Variants in KLF12 observed in about 807,000 individuals in gnomAD.
KLF12 encodes the protein Krueppel-like factor 12.
In KLF12, 9 loss-of-function variants were observed where a neutral mutation model predicts 37.8. The observed-to-expected ratio is 0.24, with a 90% CI of 0.14 to 0.42. The LOEUF is 0.42. Among genes scored for constraint, KLF12 ranks in the 10% least tolerant of loss-of-function variants. KLF12 has a pLI of 1.00. For missense variants in KLF12, 411 were observed against 516.0 expected, an observed-to-expected ratio of 0.80 and a Z score of 1.97; for synonymous variants, 208 against 202.1, an observed-to-expected ratio of 1.03 and a Z score of -0.25.
At chr13:74,154,906 A>T in the KLF12 span, among the ~76,000 whole-genome samples, 1 of 152,194 alleles carries the variant, frequency 6.6e-6, no homozygotes, top group African/African-American at 2.4e-5. Context: ...AAACTCTTCA[A>T]ATATATTGCC....
chr13:73,902,179 G>A (rs1888072261), intron 3 of KLF12, among the ~76,000 whole-genome samples: 1 of 152,064 alleles, frequency 6.6e-6, no homozygotes, highest in Non-Finnish European at 1.5e-5. Flanking sequence ...AAATACATAC[G>A]GTGTGTCAGA....
At chr13:74,230,908 C>T in the KLF12 span, among the ~76,000 whole-genome samples, 12 of 152,148 alleles carry the variant, frequency 7.9e-5, no homozygotes, top group Non-Finnish European at 1.5e-4. Context: ...TTTCATTAAA[C>T]GTTGTCTGTG....
the KLF12 span, among the ~76,000 whole-genome samples, chr13:74,238,684 C>G: frequency 6.7e-5 from 10 of 149,422 alleles, no homozygotes; most frequent in East Asian, 3.9e-4. Flanking sequence ...TGTATGTGTC[C>G]AGGAATTTAT....
intron 6 of KLF12, among the ~76,000 whole-genome samples, chr13:73,726,000 C>G (rs955524438): frequency 6.6e-6 from 1 of 152,054 alleles, no homozygotes; most frequent in Non-Finnish European, 1.5e-5. Context: ...TCCCAAGTAG[C>G]TGGGGTTACA....
chr13:74,167,726 C>T, the KLF12 span, among the ~76,000 whole-genome samples: 45 of 152,292 alleles, frequency 3.0e-4, no homozygotes, highest in Non-Finnish European at 5.3e-4. Flanking sequence ...GAATTCAATC[C>T]TCCATTGCAT....
the KLF12 span, among the ~76,000 whole-genome samples, chr13:74,284,559 T>G: frequency 6.6e-6 from 1 of 152,204 alleles, no homozygotes; most frequent in African/African-American, 2.4e-5. Context: ...TTGAAGGCAG[T>G]CCAGTCTTCC....
At chr13:73,868,380 A>C (rs959140107) in intron 3 of KLF12, among the ~76,000 whole-genome samples, 12 of 150,286 alleles carry the variant, frequency 8.0e-5, no homozygotes, top group Non-Finnish European at 1.8e-4. Context: ...AAAAATATTA[A>C]GATTTTTGTT....
rs553775325 is a variant in KLF12 at position 73,934,118 on chromosome 13, T to C, written c.123+9863A>G. Among the ~76,000 whole-genome samples, 5 of 152,320 alleles carry C rather than the reference T, an allele frequency of 3.3e-5. No homozygotes were observed. The South Asian group carries it at 8.3e-4, about 25-fold the overall frequency. The stretch of plus-strand genomic sequence containing the variant: ...CTTGCTATCTGTACTCTGTTCCTTT[T>C]GACTTTTCTTCTTTTAGATAAATTG... On this transcript the variant is annotated intron_variant, in intron 3 of 7. Transcript: ENST00000377669.
the KLF12 span, among the ~76,000 whole-genome samples, chr13:74,142,270 T>A: frequency 2.6e-5 from 4 of 152,240 alleles, no homozygotes; most frequent in Non-Finnish European, 5.9e-5. Context: ...CATTAATTTT[T>A]AAAAGTTGGA....
At chr13:74,021,211 TTAA>T (rs932619485) in intron 1 of KLF12, among the ~76,000 whole-genome samples, 1 of 152,204 alleles carries the variant, frequency 6.6e-6, no homozygotes, top group Non-Finnish European at 1.5e-5. Context: ...TGATGTGTTA[TTAA>T]TAAGTTCATA....
chr13:73,855,347 T>G (rs1446390928), intron 3 of KLF12, among the ~76,000 whole-genome samples: 2 of 152,168 alleles, frequency 1.3e-5, no homozygotes, highest in East Asian at 3.8e-4. Flanking sequence ...GGTATTTGGT[T>G]TTCTGTTTCC....
Position 73,740,018 on chromosome 13 carries a change from C to T in KLF12, c.870-24493G>A, listed in dbSNP as rs1378849605. Among the ~76,000 whole-genome samples the T allele has an allele frequency of 3.4e-5, 5 of 148,820 alleles. No individual in the cohort carries two copies. The East Asian group carries it at 7.7e-4, about 23-fold the overall frequency. The stretch of plus-strand genomic sequence containing the variant: ...GACCACTGTAGACAGTTGTGGGGTG[C>T]TATGGTCTGATGTTTATGTCCTCCC... On this transcript the variant is annotated intron_variant, in intron 6 of 7. Coordinates refer to ENST00000377669, the MANE Select transcript of KLF12 (RefSeq NM_007249.5).
chr13:73,832,324 C>T (rs1018040365), intron 4 of KLF12, among the ~76,000 whole-genome samples: 7 of 152,166 alleles, frequency 4.6e-5, no homozygotes, highest in African/African-American at 1.7e-4. Flanking sequence ...GCCACCTACT[C>T]TCCCCTTCTT....
chr13:74,173,519 T>C, the KLF12 span, among the ~76,000 whole-genome samples: 2 of 152,222 alleles, frequency 1.3e-5, no homozygotes, highest in African/African-American at 4.8e-5. Context: ...TTATGTGCTG[T>C]TGTTTTTCCC....
At chr13:73,956,617 A>G (rs1890841038) in intron 2 of KLF12, among the ~76,000 whole-genome samples, 1 of 152,186 alleles carries the variant, frequency 6.6e-6, no homozygotes, top group Non-Finnish European at 1.5e-5. Flanking sequence ...CTATGAACTC[A>G]TTAGAAAAGA....
At chr13:74,184,905 C>T in the KLF12 span, among the ~76,000 whole-genome samples, 1,060 of 152,264 alleles carry the variant, frequency 7.0e-3, 15 homozygotes, top group African/African-American at 0.024. Context: ...TAATTTGTTA[C>T]TTCAGTAAAT....
chr13:73,810,982 C>CTTTCTTTCTTTTTTTTTT (rs1555308731), intron 5 of KLF12, among the ~76,000 whole-genome samples: 1 of 44,808 alleles, frequency 2.2e-5, no homozygotes, highest in African/African-American at 8.4e-5. Flanking sequence ...ATTTTTCTTT[C>CTTTCTTTCTTTTTTTTTT]TTTTTTTTTT....
At chr13:73,939,183 C>T (rs577915847) in intron 3 of KLF12, among the ~76,000 whole-genome samples, 109 of 152,292 alleles carry the variant, frequency 7.2e-4, no homozygotes, top group African/African-American at 2.5e-3. Flanking sequence ...TTCCCCGCGG[C>T]AGATTCCTCA....
At chr13:74,006,291 T>A (rs923601156) in intron 1 of KLF12, among the ~76,000 whole-genome samples, 27 of 152,196 alleles carry the variant, frequency 1.8e-4, no homozygotes, top group African/African-American at 6.3e-4. Flanking sequence ...ACCATTACCA[T>A]CAGATGTCTT....
Sources: allele counts gnomAD v4.1 joint callset (sites outside exome capture counted in the v4.1 genomes callset), GRCh38; gene constraint gnomAD v4.1.1; transcripts MANE v1.5; gene names NCBI Gene and HGNC (gene_info 2026-07-23, HGNC 2026-07-21).